SPIDR: variants seen among roughly 807,000 people sequenced by gnomAD.
SPIDR encodes the protein scaffold protein involved in DNA repair.
A neutral mutation model predicts 104.6 loss-of-function variants in SPIDR; 93 were observed. That is an observed-to-expected ratio of 0.89 (90% confidence interval 0.75 to 1.06). SPIDR has a LOEUF of 1.06. Among genes scored for constraint, SPIDR ranks in the 50% least tolerant of loss-of-function variants. SPIDR has a pLI of 0.00. For synonymous variants in SPIDR, 431 were observed against 416.9 expected (o/e 1.03, Z -0.41); for missense variants, 1,154 against 1,111.2 (o/e 1.04, Z -0.55).
At chr8:47,580,284 A>C (rs559288929) in intron 8 of SPIDR, among the ~76,000 whole-genome samples, 2 of 152,354 alleles carry the variant, frequency 1.3e-5, no homozygotes, top group East Asian at 3.9e-4. Context: ...GCTAAACAAT[A>C]GACAACAACT....
At chr8:47,557,989 G>A (rs897624663) in intron 8 of SPIDR, among the ~76,000 whole-genome samples, 7 of 152,146 alleles carry the variant, frequency 4.6e-5, no homozygotes, top group Admixed American at 6.6e-5. Flanking sequence ...AAATGAAATC[G>A]ATGGCCTTTG....
intron 11 of SPIDR, among the ~76,000 whole-genome samples, chr8:47,685,512 TATTTA>T (rs1563539542): frequency 7.1e-5 from 10 of 141,054 alleles, no homozygotes; most frequent in Admixed American, 2.2e-4. Context: ...TTTATTTATT[TATTTA>T]TTTTTTTGAG....
intron 1 of SPIDR, among the ~76,000 whole-genome samples, chr8:47,272,567 A>G (rs2035548274): frequency 6.6e-6 from 1 of 152,172 alleles, no homozygotes; most frequent in Non-Finnish European, 1.5e-5. Context: ...GTTGAGACAT[A>G]TGCTTTGGCA....
At chr8:47,474,578 A>G (rs180745252) in intron 8 of SPIDR, among the ~76,000 whole-genome samples, 1 of 152,202 alleles carries the variant, frequency 6.6e-6, no homozygotes, top group African/African-American at 2.4e-5. Flanking sequence ...GCCGTCTGGC[A>G]TATTTTCTCC....
chr8:47,571,444 G>A (rs766062450), intron 8 of SPIDR, among the ~76,000 whole-genome samples: 1 of 151,822 alleles, frequency 6.6e-6, no homozygotes, highest in Non-Finnish European at 1.5e-5. Flanking sequence ...CTCAGGGGGA[G>A]GAGGAAATAA....
chr8:47,377,790 A>G (rs1450263743), intron 5 of SPIDR, among the ~76,000 whole-genome samples: 1 of 152,226 alleles, frequency 6.6e-6, no homozygotes, highest in African/African-American at 2.4e-5. Context: ...GTCAAGGGCC[A>G]GTCACCTGAA....
intron 5 of SPIDR, among the ~76,000 whole-genome samples, chr8:47,341,464 A>C (rs967570391): frequency 6.6e-6 from 1 of 152,208 alleles, no homozygotes; most frequent in Non-Finnish European, 1.5e-5. Context: ...TTAAAAAAAA[A>C]ATTGGGAACT....
chr8:47,528,789 CAT>C (rs2085439797), intron 8 of SPIDR, among the ~76,000 whole-genome samples: 1 of 150,516 alleles, frequency 6.6e-6, no homozygotes, highest in African/African-American at 2.4e-5. Flanking sequence ...AAAAAGGGAA[CAT>C]AATATTCAAG....
chr8:47,518,762 A>G (rs905782127), intron 8 of SPIDR, among the ~76,000 whole-genome samples: 1 of 150,866 alleles, frequency 6.6e-6, no homozygotes, highest in Admixed American at 6.6e-5. Flanking sequence ...TCAGCCTCCC[A>G]AGTAGCTGGA....
At chr8:47,277,255 C>T (rs933522404) in intron 1 of SPIDR, among the ~76,000 whole-genome samples, 10 of 151,844 alleles carry the variant, frequency 6.6e-5, no homozygotes, top group Non-Finnish European at 1.5e-4. Flanking sequence ...ATATACCGAG[C>T]AGTGGCATTG....
At chr8:47,594,896 T>C (rs1009519690) in intron 8 of SPIDR, among the ~76,000 whole-genome samples, 6 of 152,114 alleles carry the variant, frequency 3.9e-5, no homozygotes, top group Non-Finnish European at 7.4e-5. Flanking sequence ...CTCAGGAGGC[T>C]GAGGCACGAG....
chr8:47,446,767 A>G (rs181439152), intron 8 of SPIDR, among the ~76,000 whole-genome samples: 3 of 151,986 alleles, frequency 2.0e-5, no homozygotes, highest in East Asian at 1.9e-4. Flanking sequence ...TTGTATTTTT[A>G]GTAGAGACAG....
chr8:47,379,465 G>A (rs1384047470), intron 5 of SPIDR, among the ~76,000 whole-genome samples: 1 of 152,140 alleles, frequency 6.6e-6, no homozygotes, highest in Admixed American at 6.5e-5. Flanking sequence ...GGGAGGCGGA[G>A]GTTGTAGTGA....
intron 8 of SPIDR, among the ~76,000 whole-genome samples, chr8:47,569,994 G>T (rs554119497): frequency 6.6e-6 from 1 of 152,218 alleles, no homozygotes; most frequent in East Asian, 1.9e-4. Context: ...GGTTAAGAAG[G>T]CAATACTCAC....
chr8:47,658,029 C>CAAAAAAAAAA (rs34648437), intron 10 of SPIDR, among the ~76,000 whole-genome samples: 2 of 76,034 alleles, frequency 2.6e-5, no homozygotes, highest in East Asian at 4.1e-4. Flanking sequence ...GACCCTGTCT[C>CAAAAAAAAAA]AAAAAAAAAA....
intron 5 of SPIDR, among the ~76,000 whole-genome samples, chr8:47,311,924 G>C (rs911720582): frequency 5.3e-5 from 8 of 152,182 alleles, no homozygotes; most frequent in Non-Finnish European, 1.2e-4. Flanking sequence ...CTGTGTCCAA[G>C]TGTTCTCATT....
At position 47,423,203 on chromosome 8, in the gene SPIDR, C is replaced by T. The variant is rs1361235665; in HGVS notation, c.877+15242C>T. Among the ~76,000 whole-genome samples, 5 of 151,028 alleles carry T rather than the reference C, an allele frequency of 3.3e-5. No individual in the cohort carries two copies. In the Admixed American group the frequency reaches 3.3e-4, roughly 10 times the overall value. On this transcript the variant is annotated intron_variant, in intron 7 of 19. Transcript: ENST00000297423. ...ATCCCAGCTACTCGGGAGGCTGTTACAGGAGAATCGCTTGAACTGGGAGGT... is the reference window on the plus strand; with the variant it reads ...ATCCCAGCTACTCGGGAGGCTGTTATAGGAGAATCGCTTGAACTGGGAGGT...
At chr8:47,484,274 C>T (rs1380871283) in intron 8 of SPIDR, among the ~76,000 whole-genome samples, 1 of 152,238 alleles carries the variant, frequency 6.6e-6, no homozygotes, top group African/African-American at 2.4e-5. Flanking sequence ...TTTTGATGAG[C>T]GTTCACTTGT....
chr8:47,320,625 C>T (rs1176657531), intron 5 of SPIDR, among the ~76,000 whole-genome samples: 4 of 152,046 alleles, frequency 2.6e-5, no homozygotes, highest in African/African-American at 4.8e-5. Context: ...GATACCAAAG[C>T]CTGGCAGAGA....
Sources: gnomAD v4.1 joint callset for allele counts (sites outside exome capture counted in the v4.1 genomes callset) on GRCh38, gnomAD v4.1.1 for gene constraint, MANE v1.5 for transcripts, NCBI Gene and HGNC (gene_info 2026-07-23, HGNC 2026-07-21) for gene names.